The following DNAH9 variants were observed in gnomAD, a reference collection of about 807,000 sequenced individuals.
The protein encoded by DNAH9 is dynein axonemal heavy chain 9.
In DNAH9, 345 loss-of-function variants were observed where a neutral mutation model predicts 471.6. The observed-to-expected ratio is 0.73, with a 90% CI of 0.67 to 0.80. The LOEUF (loss-of-function observed/expected upper bound fraction) is 0.80, where lower values mean the gene tolerates loss of function less well. Ranked by LOEUF, DNAH9 falls within the 30% of genes least tolerant of loss-of-function variation. The pLI, the probability that DNAH9 is intolerant of heterozygous loss-of-function variation, is 0.00. For missense variants in DNAH9, 5,407 were observed against 5,609.2 expected, an observed-to-expected ratio of 0.96 and a Z score of 1.15; for synonymous variants, 2,093 against 2,123.6, an observed-to-expected ratio of 0.99 and a Z score of 0.40.
chr17:11,969,199 C>T, intron 68 of DNAH9, 101 bp from the exon 69 acceptor site: 2 of 1,011,030 alleles, frequency 2.0e-6, no homozygotes, highest in Admixed American at 2.1e-5. Context: ...GCAGCCATGT[C>T]AGTCCAGTCT....
chr17:11,944,357 G>T (rs1460999905), intron 67 of DNAH9, among the ~76,000 whole-genome samples: 1 of 152,196 alleles, frequency 6.6e-6, no homozygotes, highest in African/African-American at 2.4e-5. Flanking sequence ...CAAGTATTGT[G>T]TGTGGGATAA....
At chr17:11,771,734 C>T (rs1968213097) in intron 38 of DNAH9, among the ~76,000 whole-genome samples, 1 of 152,132 alleles carries the variant, frequency 6.6e-6, no homozygotes, top group Non-Finnish European at 1.5e-5. Flanking sequence ...ATCAGATTAC[C>T]AGCTCTGCCC....
intron 56 of DNAH9, among the ~76,000 whole-genome samples, chr17:11,885,324 G>A (rs1308620358): frequency 6.6e-6 from 1 of 152,178 alleles, no homozygotes; most frequent in Non-Finnish European, 1.5e-5. Flanking sequence ...AACATAGAGG[G>A]GGTGGGAGCT....
At chr17:11,768,289 C>T (rs919987702) in intron 36 of DNAH9, among the ~76,000 whole-genome samples, 164 bp from the exon 37 acceptor site, 7 of 152,134 alleles carry the variant, frequency 4.6e-5, no homozygotes, top group Non-Finnish European at 5.9e-5. Flanking sequence ...CAGGGTTGAC[C>T]CTTGGGGCAG....
intron 8 of DNAH9, among the ~76,000 whole-genome samples, chr17:11,635,592 C>T (rs1386180710): frequency 6.6e-6 from 1 of 152,100 alleles, no homozygotes; most frequent in Non-Finnish European, 1.5e-5. Flanking sequence ...ACTTCAAGTG[C>T]TAGGTGGAGA....
At chr17:11,938,112 T>C (rs1007530072) in intron 66 of DNAH9, among the ~76,000 whole-genome samples, 2 of 151,996 alleles carry the variant, frequency 1.3e-5, no homozygotes, top group Non-Finnish European at 2.9e-5. Flanking sequence ...CAGGGTGAGG[T>C]GTGGGTTTCA....
chr17:11,894,956 C>T (rs1202990347), intron 59 of DNAH9, among the ~76,000 whole-genome samples: 2 of 152,172 alleles, frequency 1.3e-5, no homozygotes, highest in Non-Finnish European at 2.9e-5. Context: ...CAGTTAATAA[C>T]AGCTCTTATC....
At chr17:11,769,033 C>G in intron 37 of DNAH9, 89 bp from the exon 38 acceptor site, 1 of 1,363,566 alleles carries the variant, frequency 7.3e-7, no homozygotes, top group Non-Finnish European at 1.0e-6. Flanking sequence ...TGACGGAATC[C>G]CCTGTTCTGA....
chr17:11,837,276 T>C (rs1472685542), intron 49 of DNAH9, among the ~76,000 whole-genome samples: 1 of 152,214 alleles, frequency 6.6e-6, no homozygotes, highest in Non-Finnish European at 1.5e-5. Flanking sequence ...ACAACAGAAG[T>C]AAAATTCATT....
chr17:11,690,525 C>A, intron 20 of DNAH9, 89 bp downstream of exon 20: 1 of 1,222,622 alleles, frequency 8.2e-7, no homozygotes, highest in Non-Finnish European at 1.1e-6. Context: ...TAGGCTCTTT[C>A]CTTTTCTGCC....
chr17:11,813,389 T>G (rs1187563957), intron 45 of DNAH9, among the ~76,000 whole-genome samples: 1 of 152,136 alleles, frequency 6.6e-6, no homozygotes. Flanking sequence ...CCCTATCAAA[T>G]AAGTAATTTC....
intron 14 of DNAH9, among the ~76,000 whole-genome samples, chr17:11,654,389 GATCT>G (rs1421566800): frequency 1.5e-5 from 2 of 134,458 alleles, no homozygotes; most frequent in African/African-American, 5.4e-5. Context: ...GTTTAAAATC[GATCT>G]ATCATCCATC....
intron 66 of DNAH9, among the ~76,000 whole-genome samples, chr17:11,939,658 T>C (rs1008604687): frequency 6.6e-6 from 1 of 152,128 alleles, no homozygotes; most frequent in Non-Finnish European, 1.5e-5. Context: ...TGTTAAGAAG[T>C]AAATGACCGA....
chr17:11,705,254 G>A, intron 26 of DNAH9, 69 bp downstream of exon 26: 1 of 1,395,384 alleles, frequency 7.2e-7, no homozygotes, highest in Non-Finnish European at 1.0e-6. Flanking sequence ...GGGCATCTAG[G>A]GTCAAAGTCC....
At chr17:11,956,363 AAAG>A (rs1190036537) in intron 67 of DNAH9, among the ~76,000 whole-genome samples, 21 of 152,308 alleles carry the variant, frequency 1.4e-4, no homozygotes, top group African/African-American at 5.1e-4. Flanking sequence ...GATAGAATCA[AAAG>A]AAGAAATAAA....
At chr17:11,923,558 G>A (rs551162380) in intron 61 of DNAH9, among the ~76,000 whole-genome samples, 9 of 152,260 alleles carry the variant, frequency 5.9e-5, no homozygotes, top group South Asian at 4.1e-4. Context: ...TGATCCGCTC[G>A]CCTCGGCCTC....
At chr17:11,944,489 TCA>T (rs1465924795) in intron 67 of DNAH9, among the ~76,000 whole-genome samples, 6 of 152,116 alleles carry the variant, frequency 3.9e-5, no homozygotes, top group Admixed American at 6.6e-5. Context: ...CGGTCTGTTC[TCA>T]GAGTTAACAT....
At chr17:11,738,744 T>G in intron 28 of DNAH9, 136 bp from the exon 29 acceptor site, 1 of 742,422 alleles carries the variant, frequency 1.3e-6, no homozygotes, top group Non-Finnish European at 2.3e-6. Context: ...GGTGTGGTCA[T>G]CATGCCTGTC....
In DNAH9 at chr17:11,719,407, A is replaced by C. The variant is rs2075016843; in HGVS notation, c.5626A>C (p.Lys1876Gln). 6.2e-7 allele frequency: 1 copy of C among 1,613,936 alleles called. No individual in the cohort carries two copies. Among genetic ancestry groups the C allele is most frequent in the African/African-American group, 1.3e-5 (1 of 74,892 alleles). Residue 1876 changes from lysine to glutamine, a missense_variant, in exon 27 of 69, where the codon AAG becomes CAG. Lys to Gln is a moderately conservative substitution (Grantham distance 53). This residue lies in a region of DNAH9 where 4,636 missense variants were observed against 4,900.3 expected (regional missense o/e 0.95). Transcript: ENST00000262442. ...GAPAGPAGTGKTETTKDLGRA... is the reference protein window; with the variant it reads ...GAPAGPAGTGQTETTKDLGRA... ...TCCCGCAGGACCTGCAGGCACAGGC[A>C]AGACCGAGACCACCAAGGACCTGGG...
Sources: gnomAD v4.1 joint callset for allele counts (sites outside exome capture counted in the v4.1 genomes callset) on GRCh38, gnomAD v4.1.1 for gene constraint, gnomAD v4.1.1 regional missense constraint, MANE v1.5 for transcripts, NCBI Gene and HGNC (gene_info 2026-07-23, HGNC 2026-07-21) for gene names.